DCAF17: variants seen among roughly 807,000 people sequenced by gnomAD.
The protein encoded by DCAF17 is DDB1 and CUL4 associated factor 17.
Under a neutral mutation model 66.0 loss-of-function variants are expected in DCAF17, and 48 were observed. That is an observed-to-expected ratio of 0.73 (90% CI 0.58 to 0.92). DCAF17 has a LOEUF of 0.92. DCAF17 is among the 40% of genes least tolerant of loss of function. The pLI is 0.00. For synonymous variants in DCAF17, 206 were observed against 214.6 expected, an observed-to-expected ratio of 0.96 and a Z score of 0.35; for missense variants, 562 against 622.8, an observed-to-expected ratio of 0.90 and a Z score of 1.04.
chr2:171,448,835 A>C lies in DCAF17; in HGVS notation c.458+18A>C, dbSNP rs1694789693. 1.9e-6 allele frequency: 3 copies of C among 1,600,536 alleles called. No homozygotes were observed. The African/African-American group carries it at 4.0e-5, about 21-fold the overall frequency. ...AAATTCAGGTATTTACTGTGAATTT[A>C]TTATTCAAGATTTTATTTTAAAAAT... is the stretch of plus-strand genomic sequence containing the variant. On this transcript the variant is annotated intron_variant, in intron 4 of 13. Transcript: ENST00000375255.
At position 171,480,984 on chromosome 2, in the gene DCAF17, A is replaced by G. The variant is rs1279189246; in HGVS notation, c.1433A>G (p.His478Arg). The change falls in exon 14 of 14, where the codon CAT (histidine) becomes CGT (arginine). Residue 478 changes from histidine (H) to arginine (R), a missense_variant. Transcript: ENST00000375255. ...LVESWDVTYS[H>R]EVYFDRDLVL... ...TGTGTTTTGTTACAGACATATAGCCATGAAGTCTACTTTGACAGAGACTTG... is the reference window on the plus strand; with the variant it reads ...TGTGTTTTGTTACAGACATATAGCCGTGAAGTCTACTTTGACAGAGACTTG... The G allele has an allele frequency of 1.9e-6, 3 of 1,613,690 alleles. No individual in the cohort carries two copies. The highest frequency in any genetic ancestry group is 1.3e-5 in the African/African-American group (1 of 74,932).
intron 3 of DCAF17, among the ~76,000 whole-genome samples, chr2:171,445,199 A>G (rs1694545769): frequency 6.6e-6 from 1 of 151,116 alleles, no homozygotes; most frequent in South Asian, 2.1e-4. Flanking sequence ...ATCTCCACTC[A>G]CTGCAACCTC....
Position 171,458,229 on chromosome 2 carries a change from A to G in DCAF17, c.733-143A>G, listed in dbSNP as rs185405017. 3 of 1,014,092 alleles carry G rather than the reference A, an allele frequency of 3.0e-6. 1 individual carries two copies. The highest frequency in any genetic ancestry group is 3.8e-5 in the Admixed American group (2 of 52,860). 62.8% of individuals were successfully genotyped at this position (1,014,092 alleles called of 1,614,324 possible). A position where few individuals can be genotyped will look rare whatever the true frequency, so the allele number is the denominator to read the frequency against. The stretch of plus-strand genomic sequence containing the variant: ...AATGTAGAAGACAAGTAACCTTTAA[A>G]GCAGGGGTGGGGAAGATAAACAGAA... On this transcript the variant is annotated intron_variant, in intron 7 of 13. Transcript: ENST00000375255.
chr2:171,436,484 A>G (rs181723930), intron 2 of DCAF17, among the ~76,000 whole-genome samples: 6 of 152,310 alleles, frequency 3.9e-5, no homozygotes, highest in Non-Finnish European at 5.9e-5. Flanking sequence ...TCTTGTCAAC[A>G]CTTGATGTGT....
In DCAF17 at chr2:171,480,083, G is replaced by A; in HGVS notation, c.1312G>A (p.Val438Met). Residue 438 changes from valine (V) to methionine (M), a missense_variant, in exon 13 of 14, where the codon GTG becomes ATG. By Grantham distance (21) the Val-to-Met change is conservative. Coordinates refer to ENST00000375255, the MANE Select transcript of DCAF17 (RefSeq NM_025000.4). ...TGAAGATGAGTTAGATTTGCTTTCT[G>A]TGGTAGCTGTTACTCAAATAGATGC... ...DYEDELDLLS[V>M]VAVTQIDAEG... 6.2e-7 allele frequency: 1 copy of A among 1,613,746 alleles called. No individual in the cohort carries two copies. Among genetic ancestry groups the A allele is most frequent in the African/African-American group, 1.3e-5 (1 of 74,992 alleles).
At chr2:171,467,595 G>C (rs181208680) in intron 8 of DCAF17, among the ~76,000 whole-genome samples, 1 of 152,046 alleles carries the variant, frequency 6.6e-6, no homozygotes, top group South Asian at 2.1e-4. Flanking sequence ...TTAGGAGGTT[G>C]TAATACTTAG....
At position 171,468,970 on chromosome 2, in the gene DCAF17, A is replaced by G. The variant is rs1696080500; in HGVS notation, c.921A>G (p.Thr307=). 1 of 1,613,954 alleles carries G rather than the reference A, an allele frequency of 6.2e-7. No individual in the cohort carries two copies. Reference sequence around the variant, plus strand: ...GCCATCCTTGGCACTACATCGTCACACCTAATAAGAAGAAACAGAAAGGAG... The same window carrying G: ...GCCATCCTTGGCACTACATCGTCACGCCTAATAAGAAGAAACAGAAAGGAG... ...IGGHPWHYIV[T]PNKKKQKGVF... Residue 307 remains threonine, a synonymous_variant, in exon 9 of 14, where the codon ACA becomes ACG. Coordinates refer to ENST00000375255, the MANE Select transcript of DCAF17 (RefSeq NM_025000.4).
rs534948599 is a variant in DCAF17 at position 171,483,486 on chromosome 2, G to T, written c.*2372G>T. ...AGAGCATCAATGCAGCAAGCTTATTGTTCCTCAATTTTTTACAATATTTAT... is the reference window on the plus strand; with the variant it reads ...AGAGCATCAATGCAGCAAGCTTATTTTTCCTCAATTTTTTACAATATTTAT... On this transcript the variant is annotated 3_prime_UTR_variant, in exon 14 of 14. Transcript: ENST00000375255. 1 of 453,930 alleles carries T rather than the reference G, an allele frequency of 2.2e-6. No homozygotes were observed. The highest frequency in any genetic ancestry group is 4.4e-6 in the Non-Finnish European group (1 of 226,786). 28.1% of individuals were successfully genotyped at this position (453,930 alleles called of 1,614,324 possible).
At chr2:171,447,865 G>GT (rs924088395) in intron 3 of DCAF17, among the ~76,000 whole-genome samples, 1 of 152,222 alleles carries the variant, frequency 6.6e-6, no homozygotes, top group African/African-American at 2.4e-5. Flanking sequence ...CTTCCACCTT[G>GT]TGGTGGCTCC....
intron 10 of DCAF17, chr2:171,474,191 T>C (rs1696390925): frequency 3.6e-6 from 2 of 560,140 alleles, no homozygotes; most frequent in Non-Finnish European, 6.4e-6. Flanking sequence ...CGTTATTTGA[T>C]GGATGATATG....
In DCAF17 at chr2:171,478,033, A is replaced by T; in HGVS notation, c.1229A>T (p.Lys410Ile). ...ACAGCTTCTGGACGGGTGGTAAAAA[A>T]AAGTTTTAACCTTCTGGATGATGAC... ...TVTASGRVVK[K>I]SFNLLDDDPE... The change falls in exon 12 of 14, where the codon AAA becomes ATA. Residue 410 changes from lysine (K) to isoleucine (I), a missense_variant. Physicochemically the swap from Lys to Ile is moderately radical, Grantham distance 102. Transcript: ENST00000375255. 1 of 1,614,078 alleles carries T rather than the reference A, an allele frequency of 6.2e-7. No individual in the cohort carries two copies. Among genetic ancestry groups the T allele is most frequent in the Non-Finnish European group, 8.5e-7 (1 of 1,179,984 alleles).
At chr2:171,447,500 A>T in intron 3 of DCAF17, 1 of 191,922 alleles carries the variant, frequency 5.2e-6, no homozygotes, top group South Asian at 7.1e-5. Context: ...AGCTGGGATT[A>T]TAGGCAAGCA....
At chr2:171,464,344 A>G (rs145296894) in intron 8 of DCAF17, among the ~76,000 whole-genome samples, 2 of 152,262 alleles carry the variant, frequency 1.3e-5, no homozygotes, top group Non-Finnish European at 2.9e-5. Flanking sequence ...GGCTCTAGGG[A>G]AGAATCCTTT....
chr2:171,474,763 A>G (rs1488836466), intron 10 of DCAF17, among the ~76,000 whole-genome samples: 1 of 152,164 alleles, frequency 6.6e-6, no homozygotes, highest in Admixed American at 6.5e-5. Flanking sequence ...TTTCTCTCAT[A>G]CATACACACC....
At position 171,449,879 on chromosome 2, in the gene DCAF17, A is replaced by G. The variant is rs1414349657; in HGVS notation, c.459A>G (p.Arg153=). The change falls in exon 5 of 14, where the codon AGA becomes AGG. Residue 153 remains arginine (R), a splice_region_variant and synonymous_variant. Transcript: ENST00000375255. ...KIYLAPYCKF[R]YLSWDTPQEV... is the part of the protein sequence containing the mutation. ...AAACTTCTCTTCATTCTTTTAAAAG[A>G]TACTTGAGCTGGGACACTCCTCAAG... 13 of 1,612,528 alleles carry G rather than the reference A, an allele frequency of 8.1e-6. No individual in the cohort carries two copies. Among genetic ancestry groups the G allele is most frequent in the Non-Finnish European group, 1.0e-5 (12 of 1,178,980 alleles).
intron 2 of DCAF17, among the ~76,000 whole-genome samples, chr2:171,442,362 G>A (rs865823667): frequency 6.6e-6 from 1 of 151,626 alleles, no homozygotes; most frequent in African/African-American, 2.4e-5. Context: ...TTCGAGACCA[G>A]CCTGACCAAC....
At chr2:171,447,477 C>A in intron 3 of DCAF17, 1 of 205,962 alleles carries the variant, frequency 4.9e-6, no homozygotes, top group South Asian at 5.7e-5. Context: ...TCTCCTGCCT[C>A]AGCCTCCCAA....
rs1191063720 is a variant in DCAF17 at position 171,449,951 on chromosome 2, C to T, written c.531C>T (p.Ala177=). 8 of 1,612,630 alleles carry T rather than the reference C, an allele frequency of 5.0e-6. No homozygotes were observed. Among genetic ancestry groups the T allele is most frequent in the Middle Eastern group, 1.6e-4 (1 of 6,080 alleles). The change falls in exon 5 of 14, where the codon GCC becomes GCT. Residue 177 remains alanine (A), a synonymous_variant. Transcript: ENST00000375255. Reference sequence around the variant, plus strand: ...CTCAGAACAGAGGCTCAGCAGTGGCCCGGCAGGTATACATATTTAAACATT... The same window carrying T: ...CTCAGAACAGAGGCTCAGCAGTGGCTCGGCAGGTATACATATTTAAACATT... The part of the protein sequence containing the change: ...KSAQNRGSAV[A]RQAGIQQHVL...
At chr2:171,438,971 T>C (rs969042099) in intron 2 of DCAF17, among the ~76,000 whole-genome samples, 1 of 126,340 alleles carries the variant, frequency 7.9e-6, no homozygotes, top group Non-Finnish European at 1.7e-5. Context: ...TGACCTCAAG[T>C]AGTCCTCCCA....
Sources: allele counts gnomAD v4.1 joint callset (sites outside exome capture counted in the v4.1 genomes callset), GRCh38; gene constraint gnomAD v4.1.1; transcripts MANE v1.5; gene names NCBI Gene and HGNC (gene_info 2026-07-23, HGNC 2026-07-21).